The following FAT3 variants were observed in gnomAD, a reference collection of about 807,000 sequenced individuals.
FAT3 encodes protocadherin Fat 3.
Under a neutral mutation model 310.2 loss-of-function variants are expected in FAT3, and 95 were observed. The ratio of observed to expected loss-of-function variants is 0.31; its 90% confidence interval spans 0.26 to 0.36. The LOEUF is 0.36. Ranked by LOEUF, FAT3 falls within the 10% of genes least tolerant of loss-of-function variation. FAT3 has a pLI of 1.00. For synonymous variants in FAT3, 2,314 were observed against 2,192.9 expected (o/e 1.06, Z -1.54); for missense variants, 5,408 against 5,715.6 (o/e 0.95, Z 1.74).
In FAT3 at chr11:92,667,939, G is replaced by A. The variant is rs778018102; in HGVS notation, c.3608-29445G>A. Among the ~76,000 whole-genome samples the A allele has an allele frequency of 3.3e-5, 5 of 152,204 alleles. No individual in the cohort carries two copies. The South Asian group carries it at 6.2e-4, about 19-fold the overall frequency. On this transcript the variant is annotated intron_variant, in intron 3 of 27. Transcript: ENST00000525166. The stretch of plus-strand genomic sequence containing the variant: ...CTTTTCAATAGCAGCATAATGATGT[G>A]TGTGCTTTCCTTGTGCAAATAGAGG...
chr11:92,416,529 C>T (rs1950418395), intron 2 of FAT3, among the ~76,000 whole-genome samples: 1 of 152,110 alleles, frequency 6.6e-6, no homozygotes, highest in African/African-American at 2.4e-5. Flanking sequence ...ACATTTTTCT[C>T]TAATTGGGAA....
At chr11:92,679,417 A>G (rs190127084) in intron 3 of FAT3, among the ~76,000 whole-genome samples, 67 of 152,174 alleles carry the variant, frequency 4.4e-4, no homozygotes, top group African/African-American at 1.1e-3. Context: ...CATTCCCTCC[A>G]GTAGCATTTA....
intron 1 of FAT3, among the ~76,000 whole-genome samples, chr11:92,285,472 T>C (rs1455813572): frequency 6.6e-6 from 1 of 152,156 alleles, no homozygotes; most frequent in African/African-American, 2.4e-5. Context: ...GGAGAAGTAA[T>C]GCACATTTCA....
chr11:92,891,741 C>T lies in FAT3; in HGVS notation c.*628C>T, dbSNP rs1262438961. 1 of 155,668 alleles carries T rather than the reference C, an allele frequency of 6.4e-6. No individual in the cohort carries two copies. Among genetic ancestry groups the T allele is most frequent in the Non-Finnish European group, 1.4e-5 (1 of 70,112 alleles). The allele number at this position is 155,668 out of a possible 1,614,324, so 9.6% of individuals were successfully genotyped here. On this transcript the variant is annotated 3_prime_UTR_variant, in exon 28 of 28. Transcript: ENST00000525166. ...ATTTCTGTTTGTTTGTGTTAAGCAT[C>T]CAATCTAATATAGTTGGGTTTTATG...
intron 1 of FAT3, among the ~76,000 whole-genome samples, chr11:92,296,749 T>C (rs1335004343): frequency 6.6e-6 from 1 of 152,136 alleles, no homozygotes; most frequent in East Asian, 1.9e-4. Flanking sequence ...ATCCATGACC[T>C]CCCTGTTTGC....
At chr11:92,464,389 A>G (rs57744793) in intron 2 of FAT3, among the ~76,000 whole-genome samples, 2,067 of 152,274 alleles carry the variant, frequency 0.014, 43 homozygotes, top group African/African-American at 0.048. Flanking sequence ...CAGATGTCAT[A>G]TTTCCCCTGC....
In FAT3 at chr11:92,844,476, T is replaced by G; in HGVS notation, c.11109T>G (p.Phe3703Leu). Reference sequence around the variant, plus strand: ...GCACCAACCAACTGGACATGCTGTTTGCGGTGGAGATGCACAGCAGCGAGT... The same window carrying G: ...GCACCAACCAACTGGACATGCTGTTGGCGGTGGAGATGCACAGCAGCGAGT... ...VAGTNQLDML[F>L]AVEMHSSEFY... Residue 3703 changes from phenylalanine to leucine, a missense_variant, in exon 19 of 28, where the codon TTT becomes TTG. Phe to Leu is a conservative substitution (Grantham distance 22). Transcript: ENST00000525166. 1.2e-6 allele frequency: 2 copies of G among 1,613,950 alleles called. No homozygotes were observed. Among genetic ancestry groups the G allele is most frequent in the Non-Finnish European group, 1.7e-6 (2 of 1,179,882 alleles).
At chr11:92,670,710 A>G (rs1285783051) in intron 3 of FAT3, among the ~76,000 whole-genome samples, 1 of 152,236 alleles carries the variant, frequency 6.6e-6, no homozygotes, top group Non-Finnish European at 1.5e-5. Flanking sequence ...TCTGCAAAAG[A>G]AATGGCTTGA....
rs1591385986 is a variant in FAT3 at position 92,512,966 on chromosome 11, C to T, written c.3293-11668C>T. The stretch of plus-strand genomic sequence containing the variant: ...TGAAACCCCGTCTCTACTAAAAATA[C>T]AAAAAATTAGCCGGGCGTGGTAGCG... On this transcript the variant is annotated intron_variant, in intron 2 of 27. Coordinates refer to ENST00000525166, the MANE Select transcript of FAT3 (RefSeq NM_001367949.2). Among the ~76,000 whole-genome samples, 5 of 99,850 alleles carry T rather than the reference C, an allele frequency of 5.0e-5. 2 individuals are homozygous for T. In the Middle Eastern group the frequency reaches 0.026, roughly 526 times the overall value. 65.5% of individuals were successfully genotyped at this position (99,850 alleles called of 152,430 possible). A position where few individuals can be genotyped will look rare whatever the true frequency, so the allele number is the denominator to read the frequency against.
intron 9 of FAT3, among the ~76,000 whole-genome samples, chr11:92,796,825 T>G (rs1399353696): frequency 6.6e-6 from 1 of 152,238 alleles, no homozygotes; most frequent in African/African-American, 2.4e-5. Flanking sequence ...CCTCTGTTAT[T>G]TCTCTCATTC....
chr11:92,843,547 C>A (rs1948598725), intron 18 of FAT3, among the ~76,000 whole-genome samples: 1 of 152,122 alleles, frequency 6.6e-6, no homozygotes, highest in South Asian at 2.1e-4. Flanking sequence ...AGGAAATAAT[C>A]CAACAGAAAA....
intron 3 of FAT3, among the ~76,000 whole-genome samples, chr11:92,549,668 AG>A (rs1401847519): frequency 6.6e-6 from 1 of 152,180 alleles, no homozygotes; most frequent in Non-Finnish European, 1.5e-5. Flanking sequence ...AACACACTGA[AG>A]TGATATTATA....
At chr11:92,239,088 A>T (rs1230578453) in intron 1 of FAT3, among the ~76,000 whole-genome samples, 1 of 152,114 alleles carries the variant, frequency 6.6e-6, no homozygotes, top group Non-Finnish European at 1.5e-5. Flanking sequence ...AGAAATTGGT[A>T]TTTCTCTACT....
chr11:92,746,039 GGTTCC>G (rs1234493868), intron 4 of FAT3, among the ~76,000 whole-genome samples: 4 of 152,214 alleles, frequency 2.6e-5, no homozygotes, highest in Non-Finnish European at 5.9e-5. Context: ...CCAAGGCCTA[GGTTCC>G]CTTGGTTCCA....
At chr11:92,435,715 C>G (rs1950921657) in intron 2 of FAT3, among the ~76,000 whole-genome samples, 1 of 151,806 alleles carries the variant, frequency 6.6e-6, no homozygotes, top group African/African-American at 2.4e-5. Context: ...AAGGTGTGTG[C>G]CACCACACCC....
At chr11:92,493,583 C>A (rs147583216) in intron 2 of FAT3, among the ~76,000 whole-genome samples, 1 of 152,056 alleles carries the variant, frequency 6.6e-6, no homozygotes, top group African/African-American at 2.4e-5. Context: ...TAGGCCTCAA[C>A]TGGGAGGACT....
intron 1 of FAT3, among the ~76,000 whole-genome samples, chr11:92,239,969 T>G (rs919786537): frequency 3.3e-5 from 5 of 152,112 alleles, no homozygotes; most frequent in Non-Finnish European, 7.4e-5. Flanking sequence ...AGATTCATAA[T>G]GTCTGGTGAA....
chr11:92,844,230 TGTGA>T lies in FAT3; in HGVS notation c.10868_10871del (p.Ser3623MetfsTer95). On this transcript the variant is annotated frameshift_variant, in exon 19 of 28. Transcript: ENST00000525166. LOFTEE classifies it high-confidence loss of function. ...GCGGCAAGTATGTCCTGAATGTGTC[TGTGA>T]GTGATGGTCGCTTCCAGGTACCCAT... is the stretch of plus-strand genomic sequence containing the variant. The T allele has an allele frequency of 6.2e-7, 1 of 1,614,018 alleles. No individual in the cohort carries two copies. The highest frequency in any genetic ancestry group is 8.5e-7 in the Non-Finnish European group (1 of 1,179,900).
chr11:92,505,186 C>T (rs995502215), intron 2 of FAT3, among the ~76,000 whole-genome samples: 1 of 152,198 alleles, frequency 6.6e-6, no homozygotes, highest in Non-Finnish European at 1.5e-5. Flanking sequence ...CTGTCCAGGC[C>T]TGCCTGCTAC....
Sources: gnomAD v4.1 joint callset for allele counts (sites outside exome capture counted in the v4.1 genomes callset) on GRCh38, gnomAD v4.1.1 for gene constraint, MANE v1.5 for transcripts, NCBI Gene and HGNC (gene_info 2026-07-23, HGNC 2026-07-21) for gene names.